Variants in FHDC1 observed in about 807,000 individuals in gnomAD.
The protein encoded by FHDC1 is FH2 domain-containing protein 1.
FHDC1 carries 25 observed loss-of-function variants against 52.6 expected under a neutral mutation model. The observed-to-expected ratio is 0.48, with a 90% confidence interval of 0.35 to 0.66. The LOEUF (loss-of-function observed/expected upper bound fraction) is 0.66, where lower values mean the gene tolerates loss of function less well. Among genes scored for constraint, FHDC1 ranks in the 30% least tolerant of loss-of-function variants. The pLI is 0.01. For synonymous variants in FHDC1, 616 were observed against 581.5 expected, an observed-to-expected ratio of 1.06 and a Z score of -0.85; for missense variants, 1,459 against 1,452.8, an observed-to-expected ratio of 1.00 and a Z score of -0.07.
chr4:152,951,313 C>A (rs1459233808), intron 2 of FHDC1, among the ~76,000 whole-genome samples: 1 of 151,934 alleles, frequency 6.6e-6, no homozygotes, highest in Non-Finnish European at 1.5e-5. Flanking sequence ...TTTGGTATGA[C>A]CTTTTAAAGG....
At chr4:152,973,695 G>C (rs1740747426) in intron 11 of FHDC1, among the ~76,000 whole-genome samples, 1 of 152,244 alleles carries the variant, frequency 6.6e-6, no homozygotes, top group South Asian at 2.1e-4. Flanking sequence ...CCCGGCTAGA[G>C]CCCCACAGAA....
chr4:152,918,916 C>T, the FHDC1 span, among the ~76,000 whole-genome samples: 25 of 152,258 alleles, frequency 1.6e-4, no homozygotes, highest in Non-Finnish European at 5.9e-5. Context: ...AGCTTACCCA[C>T]GTTGACTTTC....
Position 152,943,226 on chromosome 4 carries a change from T to TCCCCCCCCCC in FHDC1, c.173_174insCCCCCCCCCC (p.Pro62SerfsTer35). The TCCCCCCCCCC allele has an allele frequency of 6.2e-7, 1 of 1,603,520 alleles. No homozygotes were observed. Among genetic ancestry groups the TCCCCCCCCCC allele is most frequent in the Non-Finnish European group, 8.5e-7 (1 of 1,175,524 alleles). On this transcript the variant is annotated frameshift_variant, in exon 2 of 12. Coordinates refer to ENST00000511601, the MANE Select transcript of FHDC1 (RefSeq NM_001371116.1). LOFTEE classifies it high-confidence loss of function. ...ATGTTCAAGGGAAGAGTGTCCTTCC[T>TCCCCCCCCCC]CCCCTCCTCCACCCCCACCACCTCC... is the stretch of plus-strand genomic sequence containing the variant.
At position 152,979,068 on chromosome 4, in the gene FHDC1, G is replaced by A. The variant is rs1337960787; in HGVS notation, c.*2345G>A. The A allele has an allele frequency of 6.6e-6, 1 of 152,216 alleles. No homozygotes were observed. Among genetic ancestry groups the A allele is most frequent in the East Asian group, 1.9e-4 (1 of 5,186 alleles). The allele number at this position is 152,216 out of a possible 1,614,324, so 9.4% of individuals were successfully genotyped here. On this transcript the variant is annotated 3_prime_UTR_variant, in exon 12 of 12. Coordinates refer to ENST00000511601, the MANE Select transcript of FHDC1 (RefSeq NM_001371116.1). ...ATGGTGGTGGAAAATGGATGCAAGT[G>A]ATTCTAAGTTTGTGGATTTGTGGAT...
At chr4:152,923,356 A>G in the FHDC1 span, among the ~76,000 whole-genome samples, 3 of 152,242 alleles carry the variant, frequency 2.0e-5, no homozygotes, top group African/African-American at 7.2e-5. Context: ...AGGAAATAAA[A>G]GAGAATACAA....
intron 7 of FHDC1, 40 bp from the exon 8 acceptor site, chr4:152,962,963 GTGTGTGTGTGTGTGTGTGTA>G: frequency 6.7e-7 from 1 of 1,489,702 alleles, no homozygotes; most frequent in Non-Finnish European, 9.4e-7. Flanking sequence ...GTGTGTGTGT[GTGTGTGTGTGTGTGTGTGTA>G]TGTATACATA....
intron 1 of FHDC1, among the ~76,000 whole-genome samples, chr4:152,937,336 G>A (rs1414997740): frequency 6.6e-6 from 1 of 152,112 alleles, no homozygotes; most frequent in African/African-American, 2.4e-5. Flanking sequence ...CCCCCCTTTC[G>A]TTTCATTCAC....
At chr4:152,955,529 G>T (rs543186745) in intron 4 of FHDC1, among the ~76,000 whole-genome samples, 9 of 152,058 alleles carry the variant, frequency 5.9e-5, no homozygotes, top group South Asian at 2.1e-4. Flanking sequence ...TTGCTCTGTC[G>T]CCCAGGCTGG....
chr4:152,965,218 A>T (rs1415615073), intron 9 of FHDC1, among the ~76,000 whole-genome samples: 7 of 152,364 alleles, frequency 4.6e-5, no homozygotes, highest in Non-Finnish European at 8.8e-5. Flanking sequence ...TATCATCAGT[A>T]TAAAAAATAT....
chr4:152,923,623 A>G, the FHDC1 span, among the ~76,000 whole-genome samples: 1 of 150,828 alleles, frequency 6.6e-6, no homozygotes. Flanking sequence ...ATAAGGCTAC[A>G]GTAACCAAAA....
rs373910280 is a variant in FHDC1 at position 152,954,225 on chromosome 4, G to A, written c.569G>A (p.Arg190Gln). Residue 190 changes from arginine (R) to glutamine (Q), a missense_variant, in exon 4 of 12, where the codon CGG becomes CAG. Arg to Gln is a conservative substitution (Grantham distance 43). This residue lies in a region of FHDC1 where 513 missense variants were observed against 581.5 expected (regional missense o/e 0.88). Transcript: ENST00000511601. The stretch of plus-strand genomic sequence containing the variant: ...TTCATTGTCTTTTCAAGGTCTCCTC[G>A]GTCCATTGTAGAAGATATTCATCAA... The part of the protein sequence containing the change: ...IFLKQFKKSP[R>Q]SIVEDIHQGK... 126 of 1,613,462 alleles carry A rather than the reference G, an allele frequency of 7.8e-5. 1 individual carries two copies. The highest frequency in any genetic ancestry group is 9.0e-5 in the Non-Finnish European group (106 of 1,179,512).
At chr4:152,957,030 G>C (rs1167209695) in intron 4 of FHDC1, among the ~76,000 whole-genome samples, 1 of 152,182 alleles carries the variant, frequency 6.6e-6, no homozygotes, top group Non-Finnish European at 1.5e-5. Flanking sequence ...CCTGGCACCA[G>C]TCAGACCCAG....
At chr4:152,961,425 T>C (rs1459127698) in intron 6 of FHDC1, among the ~76,000 whole-genome samples, 2 of 152,240 alleles carry the variant, frequency 1.3e-5, no homozygotes, top group African/African-American at 2.4e-5. Flanking sequence ...TTTTCATTTA[T>C]TTGAAAAACT....
chr4:152,940,265 G>A (rs983865828), intron 1 of FHDC1, among the ~76,000 whole-genome samples: 3 of 152,200 alleles, frequency 2.0e-5, no homozygotes, highest in Non-Finnish European at 4.4e-5. Flanking sequence ...ATTAGAAGCC[G>A]TTGGGGGGCT....
At chr4:152,928,455 T>C in the FHDC1 span, among the ~76,000 whole-genome samples, 1 of 152,134 alleles carries the variant, frequency 6.6e-6, no homozygotes, top group Non-Finnish European at 1.5e-5. Context: ...CTCACTGATA[T>C]TGGGAGGAGG....
the FHDC1 span, among the ~76,000 whole-genome samples, chr4:152,915,206 C>T: frequency 1.3e-5 from 2 of 152,124 alleles, no homozygotes; most frequent in East Asian, 1.9e-4. Flanking sequence ...GTCTTATTCA[C>T]CCTGTATCCC....
rs147941964 is a variant in FHDC1, at chr4:152,966,843, G to C, written c.1101-1137G>C. Among the ~76,000 whole-genome samples the C allele has an allele frequency of 3.7e-3, 558 of 152,314 alleles. 5 individuals carry two copies. Among genetic ancestry groups the C allele is most frequent in the Middle Eastern group, 0.014 (4 of 294 alleles). On this transcript the variant is annotated intron_variant, in intron 9 of 11. Transcript: ENST00000511601. ...CTGTTAATTTGCAGAATTAGGGCTG[G>C]CTGTGGTGGCTCATGCCTGTGATCC...
the FHDC1 span, among the ~76,000 whole-genome samples, chr4:152,922,944 G>C: frequency 2.6e-5 from 4 of 152,088 alleles, no homozygotes; most frequent in South Asian, 8.3e-4. Context: ...TTGAAAACTG[G>C]CACAAGACAG....
rs1176659696 is a variant in FHDC1, at chr4:152,975,469, C to G, written c.2178C>G (p.Pro726=). Residue 726 remains proline (P), a synonymous_variant, in exon 12 of 12, where the codon CCC becomes CCG. Coordinates refer to ENST00000511601, the MANE Select transcript of FHDC1 (RefSeq NM_001371116.1). ...GTGCCAGCAGCAGCAGCCTGACACC[C>G]ATGGGCAGAGATGCCCTGGGGAGTC... ...SLSASSSSLT[P]MGRDALGSLS... 6.2e-7 allele frequency: 1 copy of G among 1,613,402 alleles called. No homozygotes were observed.
Sources: gnomAD v4.1 joint callset for allele counts (sites outside exome capture counted in the v4.1 genomes callset) on GRCh38, gnomAD v4.1.1 for gene constraint, gnomAD v4.1.1 regional missense constraint, MANE v1.5 for transcripts, NCBI Gene and HGNC (gene_info 2026-07-23, HGNC 2026-07-21) for gene names.